The following LRMDA variants were observed in gnomAD, a reference collection of about 807,000 sequenced individuals.
LRMDA encodes the protein leucine rich melanocyte differentiation associated.
Under a neutral mutation model 29.8 loss-of-function variants are expected in LRMDA, and 18 were observed. The ratio of observed to expected loss-of-function variants is 0.60; its 90% CI spans 0.42 to 0.90. The LOEUF (loss-of-function observed/expected upper bound fraction) is 0.90, where lower values mean the gene tolerates loss of function less well. LRMDA is among the 40% of genes least tolerant of loss of function. LRMDA has a pLI of 0.00. For synonymous variants in LRMDA, 125 were observed against 109.4 expected (o/e 1.14, Z -0.89); for missense variants, 273 against 273.9 (o/e 1.00, Z 0.02).
chr10:76,007,736 T>C (rs4745805), intron 2 of LRMDA, among the ~76,000 whole-genome samples: 50,347 of 152,092 alleles, frequency 0.33, 9,710 homozygotes, highest in Non-Finnish European at 0.43. Flanking sequence ...ATGAGAAATG[T>C]TAATTGGTGT....
In LRMDA at chr10:76,291,932, GCACACA is replaced by G. The variant is rs34113053; in HGVS notation, c.517-32452_517-32447del. 2.5e-3 allele frequency among the ~76,000 whole-genome samples: 369 copies of G among 148,580 alleles called. 2 individuals are homozygous for G. Among genetic ancestry groups the G allele is most frequent in the African/African-American group, 8.9e-3 (358 of 40,016 alleles). ...CACGTGCACACACACACACACACGTGCACACACACACACACACACACAAATTCTTGT... is the reference window on the plus strand; with the variant it reads ...CACGTGCACACACACACACACACGTGCACACACACACACACAAATTCTTGT... On this transcript the variant is annotated intron_variant, in intron 5 of 6. Transcript: ENST00000611255.
chr10:76,429,945 C>A (rs1277723598), intron 6 of LRMDA, among the ~76,000 whole-genome samples: 4 of 152,166 alleles, frequency 2.6e-5, no homozygotes, highest in Non-Finnish European at 5.9e-5. Context: ...AGATCCGAGA[C>A]AACTATTTTT....
At chr10:75,825,961 T>G (rs927477223) in intron 2 of LRMDA, among the ~76,000 whole-genome samples, 5 of 152,104 alleles carry the variant, frequency 3.3e-5, no homozygotes, top group Non-Finnish European at 5.9e-5. Flanking sequence ...CAAATAGAGG[T>G]GGGACTTTCT....
At chr10:76,177,953 A>G (rs537363799) in intron 5 of LRMDA, among the ~76,000 whole-genome samples, 1 of 152,338 alleles carries the variant, frequency 6.6e-6, no homozygotes, top group South Asian at 2.1e-4. Flanking sequence ...CCAGATTGGC[A>G]TTCCACTACC....
intron 6 of LRMDA, among the ~76,000 whole-genome samples, chr10:76,346,967 T>C (rs572965244): frequency 1.3e-5 from 2 of 152,356 alleles, no homozygotes; most frequent in Non-Finnish European, 2.9e-5. Context: ...CTTTTTTGAA[T>C]GTTTTGGAAT....
chr10:75,973,767 A>G (rs1193598227), intron 2 of LRMDA, among the ~76,000 whole-genome samples: 1 of 152,126 alleles, frequency 6.6e-6, no homozygotes, highest in Admixed American at 6.5e-5. Context: ...AAGATGAATA[A>G]TGACAGCACC....
intron 2 of LRMDA, among the ~76,000 whole-genome samples, chr10:75,443,263 G>A (rs187755868): frequency 2.0e-5 from 3 of 152,136 alleles, no homozygotes; most frequent in Admixed American, 6.5e-5. Flanking sequence ...GGTGAGAGTG[G>A]GCATCCTTAT....
intron 2 of LRMDA, among the ~76,000 whole-genome samples, chr10:75,613,670 C>T (rs1841062908): frequency 6.6e-6 from 1 of 152,132 alleles, no homozygotes; most frequent in Non-Finnish European, 1.5e-5. Context: ...CAAAATGGGT[C>T]ACCAAACAAT....
intron 6 of LRMDA, among the ~76,000 whole-genome samples, chr10:76,531,563 T>C (rs1843234099): frequency 6.6e-6 from 1 of 152,202 alleles, no homozygotes; most frequent in Non-Finnish European, 1.5e-5. Context: ...TTTTTTTAAA[T>C]TGGTTGATAT....
intron 6 of LRMDA, among the ~76,000 whole-genome samples, chr10:76,366,918 G>GTA (rs1174208985): frequency 6.6e-6 from 1 of 152,102 alleles, no homozygotes; most frequent in Non-Finnish European, 1.5e-5. Context: ...TTACATTAAG[G>GTA]TATGTCTCTT....
intron 2 of LRMDA, among the ~76,000 whole-genome samples, chr10:76,005,671 C>T (rs1233234265): frequency 2.2e-4 from 33 of 152,032 alleles, no homozygotes; most frequent in Non-Finnish European, 1.2e-4. Flanking sequence ...TGGCTCACAC[C>T]TGAAATCCCA....
intron 2 of LRMDA, among the ~76,000 whole-genome samples, chr10:75,528,670 A>G (rs527302686): frequency 6.6e-6 from 1 of 152,302 alleles, no homozygotes; most frequent in African/African-American, 2.4e-5. Context: ...ATAGTTCTCT[A>G]TTCTTAAATG....
At chr10:75,833,987 C>T (rs1430303400) in intron 2 of LRMDA, among the ~76,000 whole-genome samples, 2 of 152,152 alleles carry the variant, frequency 1.3e-5, no homozygotes, top group Non-Finnish European at 2.9e-5. Context: ...AGCTTCTACA[C>T]TCTGGGCTTG....
chr10:76,461,593 T>C (rs1842512524), intron 6 of LRMDA, among the ~76,000 whole-genome samples: 1 of 152,148 alleles, frequency 6.6e-6, no homozygotes, highest in Admixed American at 6.6e-5. Flanking sequence ...CAAGATTGCA[T>C]AGTTGTGTAA....
intron 2 of LRMDA, among the ~76,000 whole-genome samples, chr10:75,488,600 T>A (rs1296640940): frequency 6.6e-6 from 1 of 152,198 alleles, no homozygotes; most frequent in Non-Finnish European, 1.5e-5. Context: ...ATGTCCTCTT[T>A]TGTGCCCATC....
At chr10:76,521,691 A>G (rs1182031548) in intron 6 of LRMDA, among the ~76,000 whole-genome samples, 1 of 152,186 alleles carries the variant, frequency 6.6e-6, no homozygotes, top group Admixed American at 6.5e-5. Context: ...AGTTTTATGT[A>G]TGAGAGTTCT....
At chr10:75,793,940 A>G (rs983984276) in intron 2 of LRMDA, among the ~76,000 whole-genome samples, 2 of 152,248 alleles carry the variant, frequency 1.3e-5, no homozygotes, top group Admixed American at 6.5e-5. Context: ...AGTCTCTGTC[A>G]CAACTCCTCA....
chr10:76,483,317 TACAG>T (rs1842750351), intron 6 of LRMDA, among the ~76,000 whole-genome samples: 1 of 151,946 alleles, frequency 6.6e-6, no homozygotes, highest in African/African-American at 2.4e-5. Context: ...GATGGTAGTA[TACAG>T]ACAATGACAC....
At chr10:75,971,746 C>T (rs1846975548) in intron 2 of LRMDA, among the ~76,000 whole-genome samples, 1 of 152,146 alleles carries the variant, frequency 6.6e-6, no homozygotes, top group Admixed American at 6.5e-5. Context: ...TTAATAAAGG[C>T]ATTCCTTTCT....
Sources: gnomAD v4.1 joint callset for allele counts (sites outside exome capture counted in the v4.1 genomes callset) on GRCh38, gnomAD v4.1.1 for gene constraint, MANE v1.5 for transcripts, NCBI Gene and HGNC (gene_info 2026-07-23, HGNC 2026-07-21) for gene names.